Variants in TMEM163 observed in about 807,000 individuals in gnomAD.
The protein encoded by TMEM163 is transmembrane protein 163.
A neutral mutation model predicts 29.3 loss-of-function variants in TMEM163; 17 were observed. The ratio of observed to expected loss-of-function variants is 0.58; its 90% confidence interval spans 0.40 to 0.87. TMEM163 has a LOEUF of 0.87. Among genes scored for constraint, TMEM163 ranks in the 40% least tolerant of loss-of-function variants. The pLI, the probability that TMEM163 is intolerant of heterozygous loss-of-function variation, is 0.00. For synonymous variants in TMEM163, 157 were observed against 160.6 expected, an observed-to-expected ratio of 0.98 and a Z score of 0.17; for missense variants, 303 against 381.5, an observed-to-expected ratio of 0.79 and a Z score of 1.71.
chr2:134,564,985 C>T (rs1337774584), intron 2 of TMEM163, among the ~76,000 whole-genome samples: 1 of 152,144 alleles, frequency 6.6e-6, no homozygotes, highest in Non-Finnish European at 1.5e-5. Flanking sequence ...TGTCTGTAAT[C>T]CTAGCACTTT....
chr2:134,650,186 T>G (rs184204059), intron 2 of TMEM163, among the ~76,000 whole-genome samples: 179 of 152,116 alleles, frequency 1.2e-3, no homozygotes, highest in African/African-American at 4.2e-3. Context: ...TATGTATGTG[T>G]ATAAAAACAT....
rs553275472 is a variant in TMEM163, at chr2:134,573,897, C to T, written c.323-21806G>A. On this transcript the variant is annotated intron_variant, in intron 2 of 7. Transcript: ENST00000281924. ...GCCTCCATTTCTAGAGCCCAGGAACCCAGGGAGTAAAGAACTCTCAGGGTG... is the reference window on the plus strand; with the variant it reads ...GCCTCCATTTCTAGAGCCCAGGAACTCAGGGAGTAAAGAACTCTCAGGGTG... Among the ~76,000 whole-genome samples the T allele has an allele frequency of 3.9e-5, 6 of 152,228 alleles. No individual in the cohort carries two copies. The South Asian group carries it at 1.2e-3, about 32-fold the overall frequency.
At chr2:134,573,780 T>A (rs968794429) in intron 2 of TMEM163, among the ~76,000 whole-genome samples, 1 of 152,272 alleles carries the variant, frequency 6.6e-6, no homozygotes, top group African/African-American at 2.4e-5. Flanking sequence ...TTTATTTCAC[T>A]GTTTTAGGCT....
intron 2 of TMEM163, among the ~76,000 whole-genome samples, chr2:134,554,994 G>C (rs899530306): frequency 6.6e-6 from 1 of 152,176 alleles, no homozygotes; most frequent in Non-Finnish European, 1.5e-5. Context: ...AAAATTGCAT[G>C]GGGAATTGAG....
At chr2:134,597,028 T>C (rs1468759774) in intron 2 of TMEM163, among the ~76,000 whole-genome samples, 7 of 152,032 alleles carry the variant, frequency 4.6e-5, no homozygotes, top group African/African-American at 1.7e-4. Flanking sequence ...GACGACGGGG[T>C]TTTCTAGATA....
In TMEM163 at chr2:134,494,871, G is replaced by A. The variant is rs527988233; in HGVS notation, c.555+8030C>T. Among the ~76,000 whole-genome samples the A allele has an allele frequency of 3.3e-5, 5 of 152,280 alleles. No homozygotes were observed. The East Asian group carries it at 9.7e-4, about 29-fold the overall frequency. The stretch of plus-strand genomic sequence containing the variant: ...CTCACTGGTGCCAAGAGAACCCTCA[G>A]GAACTCATTCCCATGGGTGAGGCAC... On this transcript the variant is annotated intron_variant, in intron 5 of 7. Transcript: ENST00000281924.
chr2:134,505,538 G>A (rs1005853576), intron 4 of TMEM163, among the ~76,000 whole-genome samples: 1 of 152,084 alleles, frequency 6.6e-6, no homozygotes, highest in Non-Finnish European at 1.5e-5. Flanking sequence ...TAGTGCATTT[G>A]TTTGTCAACC....
intron 2 of TMEM163, among the ~76,000 whole-genome samples, chr2:134,654,005 G>GA (rs755283097): frequency 0.12 from 7,639 of 61,674 alleles, 619 homozygotes; most frequent in Non-Finnish European, 0.18. Flanking sequence ...GTGTGGTGCT[G>GA]AAAAAAATGT....
chr2:134,699,523 T>C (rs1021250375), intron 2 of TMEM163, among the ~76,000 whole-genome samples: 4 of 152,042 alleles, frequency 2.6e-5, no homozygotes, highest in Admixed American at 2.0e-4. Context: ...AAAAATGTTG[T>C]AGATATGATG....
intron 2 of TMEM163, among the ~76,000 whole-genome samples, chr2:134,561,744 T>C (rs1183732969): frequency 1.3e-5 from 2 of 152,140 alleles, no homozygotes; most frequent in African/African-American, 4.8e-5. Context: ...CCTGGTCAGG[T>C]GTCCTCAGAC....
intron 2 of TMEM163, among the ~76,000 whole-genome samples, chr2:134,672,235 T>A (rs1574327995): frequency 6.6e-6 from 1 of 152,180 alleles, no homozygotes; most frequent in Non-Finnish European, 1.5e-5. Flanking sequence ...AATAAAAATA[T>A]GGAAAGTTCA....
rs186740924 is a variant in TMEM163, at chr2:134,694,371, A to G, written c.322+18829T>C. The stretch of plus-strand genomic sequence containing the variant: ...TGGAATTGACCTAAAGAGGGTAACG[A>G]ATCTCTAATGATGGCATCTGGGAAG... On this transcript the variant is annotated intron_variant, in intron 2 of 7. Coordinates refer to ENST00000281924, the MANE Select transcript of TMEM163 (RefSeq NM_030923.5). Among the ~76,000 whole-genome samples, 245 of 152,332 alleles carry G rather than the reference A, an allele frequency of 1.6e-3. 1 individual carries two copies. Among genetic ancestry groups the G allele is most frequent in the African/African-American group, 5.7e-3 (235 of 41,590 alleles).
chr2:134,547,757 C>A (rs968592521), intron 4 of TMEM163, among the ~76,000 whole-genome samples: 1 of 152,166 alleles, frequency 6.6e-6, no homozygotes, highest in African/African-American at 2.4e-5. Flanking sequence ...GAACAATTAC[C>A]TGGGAATTAA....
intron 4 of TMEM163, among the ~76,000 whole-genome samples, chr2:134,549,455 A>T (rs1339784215): frequency 6.6e-6 from 1 of 152,158 alleles, no homozygotes; most frequent in Non-Finnish European, 1.5e-5. Flanking sequence ...TCAAGCAATT[A>T]TCCCACCTCA....
chr2:134,668,843 C>T (rs1049292184), intron 2 of TMEM163, among the ~76,000 whole-genome samples: 6 of 152,230 alleles, frequency 3.9e-5, no homozygotes, highest in South Asian at 2.1e-4. Context: ...CAAGATGGGC[C>T]TGTGTTCACA....
intron 2 of TMEM163, among the ~76,000 whole-genome samples, chr2:134,614,684 T>A (rs1409857480): frequency 6.6e-6 from 1 of 152,000 alleles, no homozygotes; most frequent in Non-Finnish European, 1.5e-5. Flanking sequence ...TGAAACCCCA[T>A]CTCTACTAAA....
chr2:134,682,426 C>A (rs1684265846), intron 2 of TMEM163, among the ~76,000 whole-genome samples: 1 of 152,162 alleles, frequency 6.6e-6, no homozygotes, highest in Admixed American at 6.5e-5. Context: ...TTTCTTGTGT[C>A]AGCAGCATCC....
chr2:134,660,690 T>A (rs1683727692), intron 2 of TMEM163, among the ~76,000 whole-genome samples: 3 of 152,156 alleles, frequency 2.0e-5, no homozygotes, highest in African/African-American at 7.2e-5. Context: ...ATGGAGTCAG[T>A]CCATGGCAGA....
At chr2:134,611,034 A>G (rs1558963921) in intron 2 of TMEM163, among the ~76,000 whole-genome samples, 1 of 152,244 alleles carries the variant, frequency 6.6e-6, no homozygotes. Context: ...TTAGATATAA[A>G]TAACTGAAAG....
Sources: gnomAD v4.1 joint callset for allele counts (sites outside exome capture counted in the v4.1 genomes callset) on GRCh38, gnomAD v4.1.1 for gene constraint, MANE v1.5 for transcripts, NCBI Gene and HGNC (gene_info 2026-07-23, HGNC 2026-07-21) for gene names.